AFG1L: variants seen among roughly 807,000 people sequenced by gnomAD.
The protein encoded by AFG1L is AFG1-like ATPase.
In AFG1L, 53 loss-of-function variants were observed where a neutral mutation model predicts 62.2. That is an observed-to-expected ratio of 0.85 (90% CI 0.68 to 1.07). The LOEUF (loss-of-function observed/expected upper bound fraction) is 1.07, where lower values mean the gene tolerates loss of function less well. Among genes scored for constraint, AFG1L ranks in the 50% least tolerant of loss-of-function variants. The pLI is 0.00. For synonymous variants in AFG1L, 228 were observed against 210.3 expected (o/e 1.08, Z -0.73); for missense variants, 555 against 590.5 (o/e 0.94, Z 0.62).
intron 7 of AFG1L, among the ~76,000 whole-genome samples, chr6:108,419,488 G>A (rs2114683963): frequency 6.6e-6 from 1 of 152,206 alleles, no homozygotes; most frequent in East Asian, 1.9e-4. Context: ...AATAATTCCA[G>A]CATTAACTCT....
At chr6:108,380,090 C>T (rs572615342) in intron 6 of AFG1L, among the ~76,000 whole-genome samples, 15 of 150,488 alleles carry the variant, frequency 1.0e-4, no homozygotes, top group Non-Finnish European at 1.5e-4. Context: ...GGAACGTGCA[C>T]GCAGGTGGTC....
intron 7 of AFG1L, among the ~76,000 whole-genome samples, chr6:108,441,213 G>A (rs913334443): frequency 2.0e-5 from 3 of 152,134 alleles, no homozygotes; most frequent in African/African-American, 4.8e-5. Flanking sequence ...TTTGTGAGAT[G>A]GCTGTTTTTC....
intron 1 of AFG1L, among the ~76,000 whole-genome samples, chr6:108,309,043 A>G (rs538304642): frequency 2.0e-5 from 3 of 152,216 alleles, no homozygotes; most frequent in East Asian, 3.9e-4. Context: ...CAATTTAGCA[A>G]TCTTTTTGTG....
rs976336560 is a variant in AFG1L, at chr6:108,410,713, G to A, written c.807+8659G>A. 2.6e-5 allele frequency among the ~76,000 whole-genome samples: 4 copies of A among 152,158 alleles called. No individual in the cohort carries two copies. The East Asian group carries it at 5.8e-4, about 22-fold the overall frequency. ...ATCTGACTAAACATTGTCTTCTTCCGATCTGTAAGTCAGACAATAAAAATT... is the reference window on the plus strand; with the variant it reads ...ATCTGACTAAACATTGTCTTCTTCCAATCTGTAAGTCAGACAATAAAAATT... On this transcript the variant is annotated intron_variant, in intron 7 of 12. Transcript: ENST00000368977.
intron 11 of AFG1L, among the ~76,000 whole-genome samples, chr6:108,516,767 C>CA (rs1383696680): frequency 9.2e-5 from 14 of 152,112 alleles, no homozygotes; most frequent in Non-Finnish European, 1.9e-4. Context: ...CGTCTCAGCC[C>CA]AAAATCTCCT....
At chr6:108,395,953 C>T (rs1317175272) in intron 6 of AFG1L, among the ~76,000 whole-genome samples, 1 of 152,098 alleles carries the variant, frequency 6.6e-6, no homozygotes, top group Non-Finnish European at 1.5e-5. Flanking sequence ...AGCAATCCTC[C>T]TACCTCACCT....
intron 11 of AFG1L, among the ~76,000 whole-genome samples, chr6:108,514,361 G>T (rs1582690375): frequency 6.6e-6 from 1 of 152,120 alleles, no homozygotes; most frequent in East Asian, 1.9e-4. Context: ...TTAAAGAAAA[G>T]AATTTTCAAC....
chr6:108,491,204 A>G (rs753107416), intron 10 of AFG1L, among the ~76,000 whole-genome samples: 2 of 152,254 alleles, frequency 1.3e-5, no homozygotes, highest in Non-Finnish European at 2.9e-5. Context: ...ACATAAATCT[A>G]CATCATAAAC....
At chr6:108,401,870 C>T (rs937243650) in intron 6 of AFG1L, 126 bp from the exon 7 acceptor site, 1 of 524,188 alleles carries the variant, frequency 1.9e-6, no homozygotes, top group Non-Finnish European at 3.4e-6. Context: ...CAATTTTGGT[C>T]TTTTTTTCTT....
At chr6:108,476,485 A>G (rs1250668894) in intron 8 of AFG1L, among the ~76,000 whole-genome samples, 2 of 152,184 alleles carry the variant, frequency 1.3e-5, no homozygotes, top group African/African-American at 4.8e-5. Context: ...GTACCCTCTC[A>G]GTAGAGATTT....
At chr6:108,366,423 T>A in intron 6 of AFG1L, 91 bp downstream of exon 6, 1 of 678,710 alleles carries the variant, frequency 1.5e-6, no homozygotes, top group Non-Finnish European at 2.4e-6. Context: ...TGTATTGTGT[T>A]AATAAATCTG....
At chr6:108,300,050 A>G (rs17069461) in intron 1 of AFG1L, among the ~76,000 whole-genome samples, 1,806 of 152,304 alleles carry the variant, frequency 0.012, 35 homozygotes, top group African/African-American at 0.041. Flanking sequence ...TATGCTGACA[A>G]TATAACAATA....
Position 108,404,487 on chromosome 6 carries a change from A to C in AFG1L, c.807+2433A>C, listed in dbSNP as rs567659651. Among the ~76,000 whole-genome samples, 5 of 152,124 alleles carry C rather than the reference A, an allele frequency of 3.3e-5. No individual in the cohort carries two copies. The South Asian group carries it at 1.0e-3, about 32-fold the overall frequency. ...AATTTTTGTAAATATTTTCTTTAAAATATTTCTTCAAAATAGTGAGTACTC... is the reference window on the plus strand; with the variant it reads ...AATTTTTGTAAATATTTTCTTTAAACTATTTCTTCAAAATAGTGAGTACTC... On this transcript the variant is annotated intron_variant, in intron 7 of 12. Coordinates refer to ENST00000368977, the MANE Select transcript of AFG1L (RefSeq NM_145315.5).
At chr6:108,369,427 T>C (rs1779895316) in intron 6 of AFG1L, among the ~76,000 whole-genome samples, 1 of 152,186 alleles carries the variant, frequency 6.6e-6, no homozygotes, top group Non-Finnish European at 1.5e-5. Flanking sequence ...TTACACATTG[T>C]TTTCTATCTT....
chr6:108,510,342 A>T lies in AFG1L; in HGVS notation c.1193A>T (p.Tyr398Phe), dbSNP rs1026359932. The T allele has an allele frequency of 1.9e-6, 3 of 1,609,294 alleles. No homozygotes were observed. Among genetic ancestry groups the T allele is most frequent in the African/African-American group, 2.7e-5 (2 of 74,694 alleles). Residue 398 changes from tyrosine to phenylalanine, a missense_variant, in exon 11 of 13, where the codon TAT (tyrosine) becomes TTT (phenylalanine). By Grantham distance (22) the Tyr-to-Phe change is conservative (BLOSUM62 3). Coordinates refer to ENST00000368977, the MANE Select transcript of AFG1L (RefSeq NM_145315.5). ...TTCATAACTCTCATCGATAACTTTT[A>T]TGATCTCAAGGTAAGGATGTAGTAC... ...RRFITLIDNFYDLKVRIICSA... is the reference protein window; with the variant it reads ...RRFITLIDNFFDLKVRIICSA...
chr6:108,305,743 T>A lies in AFG1L; in HGVS notation c.139+10525T>A, dbSNP rs1049929158. 4.6e-5 allele frequency among the ~76,000 whole-genome samples: 7 copies of A among 152,196 alleles called. No individual in the cohort carries two copies. The East Asian group carries it at 1.2e-3, about 25-fold the overall frequency. On this transcript the variant is annotated intron_variant, in intron 1 of 12. Transcript: ENST00000368977. ...CTACCACACCAGGCTATGAATTACTTCTTTTGCCATTATGTTTCAAAGAAA... is the reference window on the plus strand; with the variant it reads ...CTACCACACCAGGCTATGAATTACTACTTTTGCCATTATGTTTCAAAGAAA...
chr6:108,366,345 A>G lies in AFG1L; in HGVS notation c.748+13A>G. On this transcript the variant is annotated intron_variant, in intron 6 of 12. Transcript: ENST00000368977. ...AGGCCACCGGAAGGTAAAAACAAAC[A>G]TTGTGCTAGTCTCATCCAATTAGGT... 1 of 1,563,530 alleles carries G rather than the reference A, an allele frequency of 6.4e-7. No individual in the cohort carries two copies.
chr6:108,498,014 C>A (rs543777772), intron 10 of AFG1L, among the ~76,000 whole-genome samples: 2 of 152,298 alleles, frequency 1.3e-5, no homozygotes, highest in South Asian at 4.1e-4. Flanking sequence ...CTGCACTGGG[C>A]TAGGCTCTTC....
intron 7 of AFG1L, among the ~76,000 whole-genome samples, chr6:108,419,687 C>A (rs991685867): frequency 6.6e-6 from 1 of 152,032 alleles, no homozygotes; most frequent in Non-Finnish European, 1.5e-5. Context: ...GACATCATAT[C>A]TTTTACTTGG....
Sources: gnomAD v4.1 joint callset for allele counts (sites outside exome capture counted in the v4.1 genomes callset) on GRCh38, gnomAD v4.1.1 for gene constraint, MANE v1.5 for transcripts, NCBI Gene and HGNC (gene_info 2026-07-23, HGNC 2026-07-21) for gene names.